MAP3K13: variants seen among roughly 807,000 people sequenced by gnomAD.
MAP3K13 encodes the protein leucine zipper-bearing kinase.
MAP3K13 carries 52 observed loss-of-function variants against 104.0 expected under a neutral mutation model. That is an observed-to-expected ratio of 0.50 (90% CI 0.40 to 0.63). MAP3K13 has a LOEUF of 0.63. Among genes scored for constraint, MAP3K13 ranks in the 20% least tolerant of loss-of-function variants. The probability of loss-of-function intolerance (pLI) is 0.00; values close to 1 mark genes in which losing one functional copy is unlikely to be tolerated. For synonymous variants in MAP3K13, 394 were observed against 442.2 expected, an observed-to-expected ratio of 0.89 and a Z score of 1.37; for missense variants, 914 against 1,218.5, an observed-to-expected ratio of 0.75 and a Z score of 3.72.
At chr3:185,455,788 TATATATATGAG>T (rs1560120832) in intron 7 of MAP3K13, among the ~76,000 whole-genome samples, 19 of 74,522 alleles carry the variant, frequency 2.5e-4, no homozygotes, top group African/African-American at 5.7e-4. Flanking sequence ...ATATATGAGA[TATATATATGAG>T]ATATATGAGA....
At chr3:185,442,384 C>A (rs1250509065) in intron 3 of MAP3K13, among the ~76,000 whole-genome samples, 1 of 151,496 alleles carries the variant, frequency 6.6e-6, no homozygotes, top group South Asian at 2.1e-4. Context: ...GTCTTTGGGT[C>A]CTCAGTCTAG....
chr3:185,295,611 T>C lies in MAP3K13; in HGVS notation c.-86+9968T>C, dbSNP rs74701201. On this transcript the variant is annotated intron_variant, in intron 2 of 14. Transcript: ENST00000424227. ...CTCATACTACCAGTCTCACTTTAAATATTATTTTTTCCAAGAAGCCTTCCT... is the reference window on the plus strand; with the variant it reads ...CTCATACTACCAGTCTCACTTTAAACATTATTTTTTCCAAGAAGCCTTCCT... 1.9e-4 allele frequency among the ~76,000 whole-genome samples: 29 copies of C among 152,330 alleles called. No homozygotes were observed. In the East Asian group the frequency reaches 3.7e-3, roughly 19 times the overall value.
chr3:185,351,606 T>TA (rs919097400), intron 2 of MAP3K13, among the ~76,000 whole-genome samples: 6 of 152,234 alleles, frequency 3.9e-5, no homozygotes, highest in African/African-American at 1.2e-4. Context: ...ATTCATATGT[T>TA]AAAAAAAGGA....
chr3:185,374,965 G>C lies in MAP3K13; in HGVS notation c.-86+11597G>C, dbSNP rs558905669. Among the ~76,000 whole-genome samples, 4 of 152,286 alleles carry C rather than the reference G, an allele frequency of 2.6e-5. No homozygotes were observed. The South Asian group carries it at 8.3e-4, about 32-fold the overall frequency. Reference sequence around the variant, plus strand: ...AAAAGTAAAGAACAGGACTTCATCAGGGTGAAACTGTTGGAGGGTACTTTG... The same window carrying C: ...AAAAGTAAAGAACAGGACTTCATCACGGTGAAACTGTTGGAGGGTACTTTG... On this transcript the variant is annotated intron_variant, in intron 1 of 13. Coordinates refer to ENST00000265026, the MANE Select transcript of MAP3K13 (RefSeq NM_004721.5).
At position 185,404,612 on chromosome 3, in the gene MAP3K13, T is replaced by A. The variant is rs1384770608; in HGVS notation, c.-85-23885T>A. On this transcript the variant is annotated intron_variant, in intron 1 of 13. Transcript: ENST00000265026. ...ATTTTTTCAAGATAGAATCTTGCTC[T>A]GTCACCTAGGCTGGAGTGTAGTAGC... Among the ~76,000 whole-genome samples the A allele has an allele frequency of 1.3e-5, 2 of 152,340 alleles. 1 individual carries two copies. The highest frequency in any genetic ancestry group is 4.1e-4 in the South Asian group (2 of 4,830).
intron 1 of MAP3K13, among the ~76,000 whole-genome samples, chr3:185,381,108 G>A (rs1445401722): frequency 2.6e-5 from 4 of 151,988 alleles, no homozygotes; most frequent in South Asian, 2.1e-4. Flanking sequence ...GATTACAGGC[G>A]TGTGCTACCA....
At position 185,399,650 on chromosome 3, in the gene MAP3K13, GGAAAAAA is replaced by G. The variant is rs1466698651; in HGVS notation, c.-85-28845_-85-28839del. ...GCGGGGGGGGGGGGGGAGGGAGGGA[GGAAAAAA>G]GGAGGGAAGGAAGGAAGGAAGGAAG... On this transcript the variant is annotated intron_variant, in intron 1 of 13. Coordinates refer to ENST00000265026, the MANE Select transcript of MAP3K13 (RefSeq NM_004721.5). 1.6e-3 allele frequency among the ~76,000 whole-genome samples: 17 copies of G among 10,754 alleles called. 2 individuals are homozygous for G. Among genetic ancestry groups the G allele is most frequent in the East Asian group, 6.9e-3 (1 of 144 alleles). The allele number at this position is 10,754 out of a possible 152,430, so 7.1% of individuals were successfully genotyped here.
At chr3:185,340,536 C>T (rs1489282589) in intron 2 of MAP3K13, among the ~76,000 whole-genome samples, 4 of 152,196 alleles carry the variant, frequency 2.6e-5, no homozygotes, top group Non-Finnish European at 5.9e-5. Context: ...TAAGATATTT[C>T]AGGGCTTAAG....
Position 185,321,215 on chromosome 3 carries a change from CAT to C in MAP3K13, c.-86+35575_-86+35576del, listed in dbSNP as rs552873528. ...TGTATATTATATATGCATGCACACA[CAT>C]ATGCGTGCACACACATATACACGTG... On this transcript the variant is annotated intron_variant, in intron 2 of 14. Coordinates refer to the MAP3K13 transcript ENST00000424227. Among the ~76,000 whole-genome samples, 85 of 152,002 alleles carry C rather than the reference CAT, an allele frequency of 5.6e-4. 1 individual carries two copies. Among genetic ancestry groups the C allele is most frequent in the East Asian group, 9.7e-4 (5 of 5,176 alleles).
At chr3:185,321,728 C>G (rs532710921) in intron 2 of MAP3K13, among the ~76,000 whole-genome samples, 1 of 152,122 alleles carries the variant, frequency 6.6e-6, no homozygotes, top group Non-Finnish European at 1.5e-5. Context: ...CTCAGCCTCC[C>G]GAGTATCTGG....
intron 1 of MAP3K13, among the ~76,000 whole-genome samples, chr3:185,401,726 G>A (rs1208412150): frequency 6.6e-6 from 1 of 152,204 alleles, no homozygotes; most frequent in Non-Finnish European, 1.5e-5. Flanking sequence ...AGTATATGAA[G>A]AACATTATGC....
intron 10 of MAP3K13, among the ~76,000 whole-genome samples, chr3:185,470,094 C>A (rs1439151396): frequency 6.6e-6 from 1 of 152,184 alleles, no homozygotes; most frequent in South Asian, 2.1e-4. Flanking sequence ...TGCTGCTCTC[C>A]ACTTCAACCG....
At chr3:185,386,158 A>G (rs532054334) in intron 1 of MAP3K13, among the ~76,000 whole-genome samples, 7 of 152,308 alleles carry the variant, frequency 4.6e-5, no homozygotes, top group South Asian at 2.1e-4. Flanking sequence ...TTTGCAATCT[A>G]TGCATCCAAC....
intron 1 of MAP3K13, among the ~76,000 whole-genome samples, chr3:185,283,994 G>A (rs1163938929): frequency 6.7e-6 from 1 of 149,658 alleles, no homozygotes; most frequent in Non-Finnish European, 1.5e-5. Flanking sequence ...CGACCCCCTG[G>A]TTCAAGTGAT....
chr3:185,309,933 G>A (rs1721437956), intron 2 of MAP3K13, among the ~76,000 whole-genome samples: 1 of 152,158 alleles, frequency 6.6e-6, no homozygotes, highest in South Asian at 2.1e-4. Flanking sequence ...AGGTGCACAG[G>A]GCCTAGCTAA....
At chr3:185,361,957 A>C (rs1723645326), upstream of MAP3K13, among the ~76,000 whole-genome samples, 1 of 152,252 alleles carries the variant, frequency 6.6e-6, no homozygotes, top group South Asian at 2.1e-4. Context: ...TTCCTTTTCC[A>C]AATGAGCTAA....
intron 1 of MAP3K13, among the ~76,000 whole-genome samples, chr3:185,374,114 A>G (rs1345523323): frequency 6.9e-6 from 1 of 145,852 alleles, no homozygotes; most frequent in East Asian, 2.0e-4. Context: ...ACAATGGTGG[A>G]ATGTCATCAG....
intron 2 of MAP3K13, among the ~76,000 whole-genome samples, chr3:185,357,447 TAAAAAAAAA>T (rs71162295): frequency 3.3e-5 from 3 of 91,354 alleles, no homozygotes; most frequent in Admixed American, 1.3e-4. Flanking sequence ...AAACTCCATC[TAAAAAAAAA>T]AAAAAAAAAA....
chr3:185,342,876 C>T (rs1043251922), intron 2 of MAP3K13, among the ~76,000 whole-genome samples: 12 of 152,198 alleles, frequency 7.9e-5, no homozygotes, highest in African/African-American at 2.9e-4. Flanking sequence ...GTCAGGGCTG[C>T]GTTCTCTGGA....
Sources: gnomAD v4.1 joint callset for allele counts (sites outside exome capture counted in the v4.1 genomes callset) on GRCh38, gnomAD v4.1.1 for gene constraint, MANE v1.5 for transcripts, NCBI Gene and HGNC (gene_info 2026-07-23, HGNC 2026-07-21) for gene names.